Variants in LRRC75A observed in about 807,000 individuals in gnomAD.
The protein encoded by LRRC75A is leucine-rich repeat-containing protein 75A.
In LRRC75A, 12 loss-of-function variants were observed where a neutral mutation model predicts 26.0. The observed-to-expected ratio is 0.46, with a 90% CI of 0.30 to 0.75. LRRC75A has a LOEUF of 0.75. Among genes scored for constraint, LRRC75A ranks in the 30% least tolerant of loss-of-function variants. LRRC75A has a pLI of 0.08. For synonymous variants in LRRC75A, 223 were observed against 219.3 expected, an observed-to-expected ratio of 1.02 and a Z score of -0.15; for missense variants, 410 against 486.6, an observed-to-expected ratio of 0.84 and a Z score of 1.48.
At chr17:16,469,013 C>T (rs1417349333) in intron 1 of LRRC75A, among the ~76,000 whole-genome samples, 1 of 152,194 alleles carries the variant, frequency 6.6e-6, no homozygotes, top group Non-Finnish European at 1.5e-5. Context: ...TGTCTAGTGG[C>T]GGATCTGTTT....
chr17:16,467,223 A>T (rs1053698552), intron 1 of LRRC75A, among the ~76,000 whole-genome samples: 4 of 152,166 alleles, frequency 2.6e-5, no homozygotes, highest in African/African-American at 9.7e-5. Context: ...GTGCGATCAT[A>T]GCTCGCTGCA....
chr17:16,466,518 G>A (rs993621934), intron 1 of LRRC75A, among the ~76,000 whole-genome samples: 3 of 152,052 alleles, frequency 2.0e-5, no homozygotes, highest in African/African-American at 7.3e-5. Flanking sequence ...CTCATGATAG[G>A]TCTAAACGGT....
At chr17:16,474,847 G>C (rs1254331529) in intron 1 of LRRC75A, among the ~76,000 whole-genome samples, 1 of 151,876 alleles carries the variant, frequency 6.6e-6, no homozygotes, top group Admixed American at 6.6e-5. Context: ...CAAAAAATTA[G>C]CCGGGCGTGG....
Position 16,462,140 on chromosome 17 carries a change from C to T in LRRC75A, c.375+118G>A, listed in dbSNP as rs191046715. The T allele has an allele frequency of 4.1e-5, 54 of 1,310,848 alleles. No individual in the cohort carries two copies. The Admixed American group carries it at 5.1e-4, about 12-fold the overall frequency. The allele number at this position is 1,310,848 out of a possible 1,614,324, so 81.2% of individuals were successfully genotyped here. ...CCTCAAGCTCTTGGTGCCTGGAGGA[C>T]GGGCTTGTCCTCCTTGGGCCTGTCT... On this transcript the variant is annotated intron_variant, in intron 2 of 3. Coordinates refer to ENST00000470794, the MANE Select transcript of LRRC75A (RefSeq NM_001113567.3). The surrounding 1 kb of genome is among the most constrained non-coding windows in gnomAD (Gnocchi z 4.6).
intron 3 of LRRC75A, among the ~76,000 whole-genome samples, chr17:16,447,436 C>G (rs1601076318): frequency 6.6e-6 from 1 of 152,168 alleles, no homozygotes; most frequent in Admixed American, 6.5e-5. Flanking sequence ...TCCTGAGAAA[C>G]TAGGATTACA....
intron 1 of LRRC75A, among the ~76,000 whole-genome samples, chr17:16,490,888 T>C (rs2093855808): frequency 6.6e-6 from 1 of 152,214 alleles, no homozygotes; most frequent in Non-Finnish European, 1.5e-5. Flanking sequence ...CCTGCCTGTC[T>C]TATACTCAAC....
intron 3 of LRRC75A, among the ~76,000 whole-genome samples, chr17:16,446,228 C>G (rs1487034141): frequency 6.6e-6 from 1 of 152,164 alleles, no homozygotes; most frequent in Non-Finnish European, 1.5e-5. Context: ...TTTTAACAAA[C>G]ATTTGTTAAA....
At chr17:16,445,398 C>G (rs1224681495) in intron 3 of LRRC75A, among the ~76,000 whole-genome samples, 3 of 152,094 alleles carry the variant, frequency 2.0e-5, no homozygotes, top group African/African-American at 7.2e-5. Context: ...ATCTCCTGAC[C>G]TCATGATCAG....
intron 1 of LRRC75A, among the ~76,000 whole-genome samples, chr17:16,480,430 G>A (rs2093830921): frequency 6.6e-6 from 1 of 152,024 alleles, no homozygotes; most frequent in African/African-American, 2.4e-5. Flanking sequence ...AGGAGTTCGA[G>A]ACCAGCCTGA....
intron 2 of LRRC75A, among the ~76,000 whole-genome samples, chr17:16,454,898 A>G (rs1208133569): frequency 6.7e-6 from 1 of 149,804 alleles, no homozygotes; most frequent in East Asian, 1.9e-4. Context: ...AGCTGGGGCT[A>G]AGGGTCCTCA....
intron 1 of LRRC75A, among the ~76,000 whole-genome samples, chr17:16,484,336 AAAACAAAC>A (rs564375387): frequency 7.3e-5 from 11 of 151,238 alleles, no homozygotes; most frequent in Non-Finnish European, 1.0e-4. Context: ...CTCCGTCTCA[AAAACAAAC>A]AAACAAACAA....
At chr17:16,488,646 C>G (rs533209971) in intron 1 of LRRC75A, among the ~76,000 whole-genome samples, 1 of 152,314 alleles carries the variant, frequency 6.6e-6, no homozygotes, top group East Asian at 1.9e-4. Context: ...GGCGAGCTGC[C>G]TACTTGATCC....
Position 16,443,517 on chromosome 17 carries a change from A to G in LRRC75A, c.*71T>C, listed in dbSNP as rs114424405. 1 of 1,375,480 alleles carries G rather than the reference A, an allele frequency of 7.3e-7. No individual in the cohort carries two copies. The highest frequency in any genetic ancestry group is 1.5e-5 in the African/African-American group (1 of 68,606). 85.2% of individuals were successfully genotyped at this position (1,375,480 alleles called of 1,614,324 possible). On this transcript the variant is annotated 3_prime_UTR_variant, in exon 4 of 4. Coordinates refer to ENST00000470794, the MANE Select transcript of LRRC75A (RefSeq NM_001113567.3). ...TATCCTTAACCCACCTGATAGGAGA[A>G]GCGCCCTCCCCTGCCTGCCTTGCCC...
intron 1 of LRRC75A, among the ~76,000 whole-genome samples, chr17:16,470,810 A>C (rs1358896449): frequency 6.6e-6 from 1 of 152,220 alleles, no homozygotes; most frequent in Non-Finnish European, 1.5e-5. Flanking sequence ...CGGAATCATA[A>C]ACAACAGAAA....
chr17:16,482,900 T>C (rs2093837920), intron 1 of LRRC75A, among the ~76,000 whole-genome samples: 1 of 152,178 alleles, frequency 6.6e-6, no homozygotes, highest in African/African-American at 2.4e-5. Context: ...CCAGGCAGGG[T>C]TCTTGCCCTC....
At chr17:16,466,847 GA>G (rs1345792456) in intron 1 of LRRC75A, among the ~76,000 whole-genome samples, 1 of 152,232 alleles carries the variant, frequency 6.6e-6, no homozygotes, top group Non-Finnish European at 1.5e-5. Flanking sequence ...AGGGCAGTCA[GA>G]ATGGCATTTC....
At chr17:16,463,551 C>A (rs148857448) in intron 1 of LRRC75A, among the ~76,000 whole-genome samples, 205 of 152,262 alleles carry the variant, frequency 1.3e-3, no homozygotes, top group Non-Finnish European at 2.2e-3. Flanking sequence ...GCTCCCACAG[C>A]TGCCCCAGCA....
In LRRC75A at chr17:16,443,330, A is replaced by AGCT. The variant is rs1325739222; in HGVS notation, c.*257_*258insAGC. ...TTGGGGAAGGCCATGAGCTGAGCTG[A>AGCT]GAGGGTTCTCTGGGGCCTGGGATGA... On this transcript the variant is annotated 3_prime_UTR_variant, in exon 4 of 4. Coordinates refer to ENST00000470794, the MANE Select transcript of LRRC75A (RefSeq NM_001113567.3). 2 of 476,330 alleles carry AGCT rather than the reference A, an allele frequency of 4.2e-6. No individual in the cohort carries two copies. The highest frequency in any genetic ancestry group is 7.4e-6 in the Non-Finnish European group (2 of 268,520). The allele number at this position is 476,330 out of a possible 1,614,324, so 29.5% of individuals were successfully genotyped here. A position where few individuals can be genotyped will look rare whatever the true frequency, so the allele number is the denominator to read the frequency against.
intron 1 of LRRC75A, among the ~76,000 whole-genome samples, chr17:16,485,648 G>GTC: frequency 1.5e-5 from 2 of 129,958 alleles, no homozygotes; most frequent in Non-Finnish European, 1.7e-5. Flanking sequence ...GTGTGTGTGT[G>GTC]TGTGTGTGTG....
Sources: allele counts gnomAD v4.1 joint callset (sites outside exome capture counted in the v4.1 genomes callset), GRCh38; gene constraint gnomAD v4.1.1; non-coding constraint Gnocchi (gnomAD v3.1); transcripts MANE v1.5; gene names NCBI Gene and HGNC (gene_info 2026-07-23, HGNC 2026-07-21).